Variants in WARS1 observed in about 807,000 individuals in gnomAD.
The protein encoded by WARS1 is tryptophanyl-tRNA synthetase 1.
Under a neutral mutation model 47.8 loss-of-function variants are expected in WARS1, and 17 were observed. That is an observed-to-expected ratio of 0.36 (90% CI 0.24 to 0.53). The LOEUF is 0.53. Ranked by LOEUF, WARS1 falls within the 20% of genes least tolerant of loss-of-function variation. WARS1 has a pLI of 0.91. For missense variants in WARS1, 434 were observed against 608.0 expected (o/e 0.71, Z 3.01); for synonymous variants, 208 against 228.1 (o/e 0.91, Z 0.79).
intron 9 of WARS1, among the ~76,000 whole-genome samples, chr14:100,339,056 A>C (rs911980688): frequency 2.6e-5 from 4 of 151,758 alleles, no homozygotes; most frequent in Non-Finnish European, 5.9e-5. Context: ...TGGTGAGCCG[A>C]GATTGTGCCA....
chr14:100,365,892 C>T, intron 2 of WARS1: 1 of 386,220 alleles, frequency 2.6e-6, no homozygotes, highest in Non-Finnish European at 5.2e-6. Context: ...TGGAAGGTGA[C>T]CGAGTGTACA....
At chr14:100,365,124 T>TACACACACACACACACACACAC (rs59205319) in intron 2 of WARS1, among the ~76,000 whole-genome samples, 1 of 137,768 alleles carries the variant, frequency 7.3e-6, no homozygotes, top group African/African-American at 2.7e-5. Context: ...TCTCAAAAAA[T>TACACACACACACACACACACAC]ACACACACAC....
At position 100,354,571 on chromosome 14, in the gene WARS1, A is replaced by G. The variant is rs747347936; in HGVS notation, c.423-5T>C. On this transcript the variant is annotated splice_polypyrimidine_tract_variant and splice_region_variant and intron_variant, in intron 4 of 10. Transcript: ENST00000392882. ...TCAAGAACCTGATTCATATCTCTAAAGGAAAAAGGAGAAGAGGAAGAGTGT... is the reference window on the plus strand; with the variant it reads ...TCAAGAACCTGATTCATATCTCTAAGGGAAAAAGGAGAAGAGGAAGAGTGT... The G allele has an allele frequency of 2.5e-6, 4 of 1,602,628 alleles. No individual in the cohort carries two copies. Among genetic ancestry groups the G allele is most frequent in the Non-Finnish European group, 1.7e-6 (2 of 1,175,700 alleles).
intron 5 of WARS1, 195 bp from the exon 6 acceptor site, chr14:100,354,064 C>T: frequency 5.1e-6 from 3 of 582,898 alleles, no homozygotes; most frequent in Non-Finnish European, 9.1e-6. Context: ...CCAGGTGGCC[C>T]TGTGTGCTCT....
chr14:100,337,192 T>C lies in WARS1; in HGVS notation c.1124A>G (p.His375Arg). The C allele has an allele frequency of 2.5e-6, 4 of 1,614,128 alleles. No individual in the cohort carries two copies. The highest frequency in any genetic ancestry group is 3.4e-6 in the Non-Finnish European group (4 of 1,179,974). ...AKQIKTKVNK[H>R]AFSGGRDTIE... ...GGTGTCTCTCCCTCCAGAAAACGCA[T>C]GCTTATTGACCTGCACCAGAAGAGG... The change falls in exon 10 of 11, where the codon CAT becomes CGT. Residue 375 changes from histidine to arginine, a missense_variant. Physicochemically the swap from His to Arg is conservative, Grantham distance 29 (BLOSUM62 0). This residue lies in a region of WARS1 where 347 missense variants were observed against 523.8 expected (regional missense o/e 0.66). Coordinates refer to ENST00000392882, the MANE Select transcript of WARS1 (RefSeq NM_004184.4).
intron 6 of WARS1, among the ~76,000 whole-genome samples, chr14:100,348,411 G>A (rs182562562): frequency 2.6e-5 from 4 of 152,248 alleles, no homozygotes; most frequent in Non-Finnish European, 4.4e-5. Context: ...TGTGTCTTTC[G>A]CCTAGCAGCC....
At chr14:100,369,937 T>C (rs1034347302) in intron 1 of WARS1, among the ~76,000 whole-genome samples, 2 of 151,742 alleles carry the variant, frequency 1.3e-5, no homozygotes, top group Admixed American at 6.6e-5. Context: ...AGTGTTGGGA[T>C]TATAGGTGTG....
At chr14:100,335,147 G>C in intron 10 of WARS1, 111 bp from the exon 11 acceptor site, 1 of 1,019,592 alleles carries the variant, frequency 9.8e-7, no homozygotes, top group Non-Finnish European at 1.4e-6. Context: ...CCTGGCACGT[G>C]GGTGGCACTC....
intron 4 of WARS1, 58 bp from the exon 5 acceptor site, chr14:100,354,624 T>G (rs1895196811): frequency 1.9e-6 from 3 of 1,551,020 alleles, no homozygotes; most frequent in Non-Finnish European, 2.6e-6. Context: ...ATCAAGGCAC[T>G]AATGCACTTT....
At chr14:100,343,991 G>A (rs570559301) in intron 7 of WARS1, among the ~76,000 whole-genome samples, 3 of 152,280 alleles carry the variant, frequency 2.0e-5, no homozygotes, top group African/African-American at 7.2e-5. Context: ...ATTCTATCCT[G>A]TCAATGTATC....
intron 7 of WARS1, among the ~76,000 whole-genome samples, chr14:100,346,071 C>T (rs976625214): frequency 2.6e-5 from 4 of 152,228 alleles, no homozygotes; most frequent in Non-Finnish European, 4.4e-5. Context: ...ACGCACCAAA[C>T]ATCAAGTAGA....
chr14:100,371,769 C>T (rs1415984727), intron 1 of WARS1, among the ~76,000 whole-genome samples: 2 of 152,008 alleles, frequency 1.3e-5, no homozygotes, highest in Non-Finnish European at 1.5e-5. Flanking sequence ...ATGTAAATCA[C>T]GGGTGCTGTG....
chr14:100,364,776 A>G (rs1895854800), intron 2 of WARS1, among the ~76,000 whole-genome samples: 1 of 152,244 alleles, frequency 6.6e-6, no homozygotes, highest in Non-Finnish European at 1.5e-5. Flanking sequence ...CAAATTTAAT[A>G]TTAAATGGAC....
chr14:100,364,548 C>T (rs1895841129), intron 2 of WARS1, among the ~76,000 whole-genome samples: 1 of 152,224 alleles, frequency 6.6e-6, no homozygotes, highest in South Asian at 2.1e-4. Flanking sequence ...ACTACCAAGA[C>T]ATTTCAGGGT....
chr14:100,368,817 T>A (rs879678211), intron 2 of WARS1, among the ~76,000 whole-genome samples: 1 of 152,024 alleles, frequency 6.6e-6, no homozygotes, highest in Admixed American at 6.5e-5. Context: ...CAAAATTAGC[T>A]GGGTGTGGTG....
rs374874298 is a variant in WARS1, at chr14:100,343,311, C to T, written c.903G>A (p.Thr301=). The T allele has an allele frequency of 7.1e-5, 115 of 1,612,994 alleles. No individual in the cohort carries two copies. The highest frequency in any genetic ancestry group is 8.4e-5 in the Non-Finnish European group (99 of 1,179,388). ...CACATGGGATAAGGCACTGGATATCCGTCCTGTCTCGGAAGATCTGTGGGA... is the reference window on the plus strand; with the variant it reads ...CACATGGGATAAGGCACTGGATATCTGTCCTGTCTCGGAAGATCTGTGGGA... The part of the protein sequence containing the change: ...NSFPQIFRDR[T]DIQCLIPCAI... Residue 301 remains threonine, a synonymous_variant, in exon 8 of 11, where the codon ACG becomes ACA. Coordinates refer to ENST00000392882, the MANE Select transcript of WARS1 (RefSeq NM_004184.4).
At position 100,369,122 on chromosome 14, in the gene WARS1, G is replaced by A. The variant is rs781266196; in HGVS notation, c.64C>T (p.Leu22Phe). Residue 22 changes from leucine to phenylalanine, a missense_variant, in exon 2 of 11, where the codon CTC becomes TTC. Physicochemically the swap from Leu to Phe is conservative, Grantham distance 22. Transcript: ENST00000392882. ...LFNSIATQGE[L>F]VRSLKAGNAS... Reference sequence around the variant, plus strand: ...TTTCCCGCTTTGAGGGACCTTACGAGCTCCCCTTGTGTGGCGATGCTGTTG... The same window carrying A: ...TTTCCCGCTTTGAGGGACCTTACGAACTCCCCTTGTGTGGCGATGCTGTTG... 3 of 1,571,436 alleles carry A rather than the reference G, an allele frequency of 1.9e-6. No homozygotes were observed. In the South Asian group the frequency reaches 3.4e-5, roughly 18 times the overall value.
At position 100,339,103 on chromosome 14, in the gene WARS1, T is replaced by TCACACA. The variant is rs528163285; in HGVS notation, c.1114-1907_1114-1902dup. Among the ~76,000 whole-genome samples the TCACACA allele has an allele frequency of 9.0e-3, 1,314 of 145,374 alleles. 22 individuals are homozygous for TCACACA. The highest frequency in any genetic ancestry group is 0.03 in the African/African-American group (1,166 of 39,142). On this transcript the variant is annotated intron_variant, in intron 9 of 10. Transcript: ENST00000392882. ...CCTGGGCAACAAGAGTGAAACTCCA[T>TCACACA]CACACACACACACACACACATACAC...
At chr14:100,339,104 CACACACACACACACACACAT>C (rs1157563523) in intron 9 of WARS1, among the ~76,000 whole-genome samples, 7 of 9,234 alleles carry the variant, frequency 7.6e-4, no homozygotes, top group Non-Finnish European at 1.5e-3. Context: ...GAAACTCCAT[CACACACACACACACACACAT>C]ACACACACAC....
Sources: allele counts gnomAD v4.1 joint callset (sites outside exome capture counted in the v4.1 genomes callset), GRCh38; gene constraint gnomAD v4.1.1; regional missense constraint gnomAD v4.1.1; transcripts MANE v1.5; gene names NCBI Gene and HGNC (gene_info 2026-07-23, HGNC 2026-07-21).